Variants in PTPRJ observed in about 807,000 individuals in gnomAD.
PTPRJ encodes the protein protein tyrosine phosphatase receptor type J.
PTPRJ carries 129 observed loss-of-function variants against 141.3 expected under a neutral mutation model. The observed-to-expected ratio is 0.91, with a 90% CI of 0.79 to 1.06. The LOEUF is 1.06. PTPRJ is among the 50% of genes least tolerant of loss of function. The pLI is 0.00. For synonymous variants in PTPRJ, 610 were observed against 640.5 expected (o/e 0.95, Z 0.72); for missense variants, 1,601 against 1,679.7 (o/e 0.95, Z 0.82).
At chr11:48,100,815 G>T (rs1478424065) in intron 1 of PTPRJ, among the ~76,000 whole-genome samples, 1 of 151,836 alleles carries the variant, frequency 6.6e-6, no homozygotes, top group Non-Finnish European at 1.5e-5. Flanking sequence ...CTGGGAGGTG[G>T]AGGTTGCAGT....
At chr11:48,128,403 G>T (rs190984694) in intron 7 of PTPRJ, among the ~76,000 whole-genome samples, 5 of 152,294 alleles carry the variant, frequency 3.3e-5, no homozygotes, top group Non-Finnish European at 7.4e-5. Flanking sequence ...AGACAAAAAT[G>T]ACCTGGTATT....
At chr11:48,059,658 G>T (rs1854865697) in intron 1 of PTPRJ, among the ~76,000 whole-genome samples, 1 of 152,178 alleles carries the variant, frequency 6.6e-6, no homozygotes, top group African/African-American at 2.4e-5. Flanking sequence ...CCCTCACAGG[G>T]TTATGGTCTC....
At chr11:48,082,012 C>T (rs1200956043) in intron 1 of PTPRJ, among the ~76,000 whole-genome samples, 1 of 152,188 alleles carries the variant, frequency 6.6e-6, no homozygotes, top group Admixed American at 6.5e-5. Context: ...TCTTCTTCCT[C>T]TCTGTATCCC....
intron 1 of PTPRJ, among the ~76,000 whole-genome samples, chr11:48,084,170 T>C (rs898338289): frequency 6.6e-6 from 1 of 152,056 alleles, no homozygotes; most frequent in Non-Finnish European, 1.5e-5. Flanking sequence ...TTGTTGTTGT[T>C]GTTTTGTTTT....
At chr11:48,068,456 C>T (rs1159660344) in intron 1 of PTPRJ, among the ~76,000 whole-genome samples, 1 of 152,194 alleles carries the variant, frequency 6.6e-6, no homozygotes, top group East Asian at 1.9e-4. Flanking sequence ...CCTGCACAAG[C>T]CCTCTTGCCT....
chr11:48,065,080 T>C (rs1855050449), intron 1 of PTPRJ, among the ~76,000 whole-genome samples: 1 of 145,360 alleles, frequency 6.9e-6, no homozygotes, highest in South Asian at 2.2e-4. Flanking sequence ...AATGGTGCGA[T>C]CTCATCTTAC....
intron 1 of PTPRJ, among the ~76,000 whole-genome samples, chr11:48,077,180 TA>T (rs898285277): frequency 2.1e-4 from 31 of 146,148 alleles, no homozygotes; most frequent in Non-Finnish European, 2.3e-4. Context: ...CTTTTTTCTT[TA>T]AAAAAAAAAA....
intron 18 of PTPRJ, among the ~76,000 whole-genome samples, chr11:48,151,102 G>A (rs61915922): frequency 6.6e-6 from 1 of 152,090 alleles, no homozygotes; most frequent in South Asian, 2.1e-4. Context: ...TCTAACCTTT[G>A]TATTAGTTCT....
intron 1 of PTPRJ, among the ~76,000 whole-genome samples, chr11:48,087,591 C>T (rs1855749613): frequency 6.6e-6 from 1 of 152,152 alleles, no homozygotes; most frequent in Non-Finnish European, 1.5e-5. Context: ...ACTTCAGGCT[C>T]AGAGAAGACA....
intron 1 of PTPRJ, among the ~76,000 whole-genome samples, chr11:48,097,598 C>T (rs1856043701): frequency 6.6e-6 from 1 of 151,226 alleles, no homozygotes; most frequent in Non-Finnish European, 1.5e-5. Context: ...AGTGTAGTGG[C>T]GTGATCTCAG....
chr11:48,055,436 C>A (rs951603315), intron 1 of PTPRJ, among the ~76,000 whole-genome samples: 33 of 152,176 alleles, frequency 2.2e-4, no homozygotes, highest in African/African-American at 7.5e-4. Flanking sequence ...ATCCAGTCAA[C>A]CTTTTGCTTT....
chr11:48,032,293 G>C lies in PTPRJ; in HGVS notation c.96+51285G>C, dbSNP rs561148007. Among the ~76,000 whole-genome samples, 4 of 152,310 alleles carry C rather than the reference G, an allele frequency of 2.6e-5. No individual in the cohort carries two copies. In the South Asian group the frequency reaches 8.3e-4, roughly 32 times the overall value. On this transcript the variant is annotated intron_variant, in intron 1 of 24. Coordinates refer to ENST00000418331, the MANE Select transcript of PTPRJ (RefSeq NM_002843.4). ...AACCTTATGAAACACAACATCAATGGGGGAAGGGAGAAGAGAGAAGCTGAG... is the reference window on the plus strand; with the variant it reads ...AACCTTATGAAACACAACATCAATGCGGGAAGGGAGAAGAGAGAAGCTGAG...
intron 1 of PTPRJ, among the ~76,000 whole-genome samples, chr11:48,095,455 G>A (rs954642471): frequency 2.0e-5 from 3 of 151,626 alleles, no homozygotes; most frequent in African/African-American, 4.8e-5. Context: ...TGTTTGAGAG[G>A]GAGAGAGAGA....
intron 10 of PTPRJ, 102 bp from the exon 11 acceptor site, chr11:48,139,384 A>G: frequency 7.8e-7 from 1 of 1,283,140 alleles, no homozygotes; most frequent in Non-Finnish European, 1.1e-6. Context: ...CCACCACATC[A>G]CCCACCCACC....
intron 1 of PTPRJ, among the ~76,000 whole-genome samples, chr11:48,045,459 A>G (rs1015040754): frequency 2.0e-5 from 3 of 152,202 alleles, no homozygotes; most frequent in Admixed American, 6.5e-5. Flanking sequence ...GAGTGGGAGA[A>G]TGTCTCAATT....
intron 1 of PTPRJ, among the ~76,000 whole-genome samples, chr11:48,023,512 G>A (rs966517416): frequency 6.6e-6 from 1 of 152,024 alleles, no homozygotes; most frequent in African/African-American, 2.4e-5. Context: ...GGCCGGGTGC[G>A]GTGGCTCATG....
rs1315242235 is a variant in PTPRJ at position 48,125,184 on chromosome 11, C to T, written c.1091C>T (p.Thr364Ile). ...CAGCCCCAGGCCATAGAGTTCAGGACAAGTAGGTTGAACTTTGTAAAATGG... is the reference window on the plus strand; with the variant it reads ...CAGCCCCAGGCCATAGAGTTCAGGATAAGTAGGTTGAACTTTGTAAAATGG... Reference protein sequence around the residue: ...EGQPQAIEFRTNAIQVFDVTA... With the variant: ...EGQPQAIEFRINAIQVFDVTA... Residue 364 changes from threonine (T) to isoleucine (I), a missense_variant and splice_region_variant, in exon 6 of 25, where the codon ACA becomes ATA. Transcript: ENST00000418331. 6.2e-7 allele frequency: 1 copy of T among 1,613,960 alleles called. No individual in the cohort carries two copies. Among genetic ancestry groups the T allele is most frequent in the East Asian group, 2.2e-5 (1 of 44,876 alleles).
intron 1 of PTPRJ, among the ~76,000 whole-genome samples, chr11:48,104,280 T>A (rs1856232502): frequency 6.6e-6 from 1 of 152,220 alleles, no homozygotes. Flanking sequence ...ACCCAGCCTG[T>A]CATTTTAATG....
At chr11:48,145,160 T>C in intron 14 of PTPRJ, 36 bp downstream of exon 14, 1 of 1,612,026 alleles carries the variant, frequency 6.2e-7, no homozygotes, top group Non-Finnish European at 8.5e-7. Flanking sequence ...ACTGGTTCAG[T>C]GGCATTTTGC....
Sources: allele counts gnomAD v4.1 joint callset (sites outside exome capture counted in the v4.1 genomes callset), GRCh38; gene constraint gnomAD v4.1.1; transcripts MANE v1.5; gene names NCBI Gene and HGNC (gene_info 2026-07-23, HGNC 2026-07-21).